Variants in CMTR1 observed in about 807,000 individuals in gnomAD.
CMTR1 encodes cap methyltransferase 1, also known as cap-specific mRNA (nucleoside-2'-O-)-methyltransferase 1.
A neutral mutation model predicts 107.0 loss-of-function variants in CMTR1; 39 were observed. The ratio of observed to expected loss-of-function variants is 0.36; its 90% CI spans 0.28 to 0.48. The LOEUF is 0.48. Among genes scored for constraint, CMTR1 ranks in the 20% least tolerant of loss-of-function variants. The probability of loss-of-function intolerance (pLI) is 0.99; values close to 1 mark genes in which losing one functional copy is unlikely to be tolerated. For missense variants in CMTR1, 672 were observed against 1,064.9 expected (o/e 0.63, Z 5.14); for synonymous variants, 366 against 379.5 (o/e 0.96, Z 0.41).
chr6:37,433,504 A>G (rs538566618), intron 1 of CMTR1, 127 bp downstream of exon 1: 5 of 152,442 alleles, frequency 3.3e-5, no homozygotes, highest in Admixed American at 3.3e-4. Context: ...CTGGCCCCTT[A>G]TGTCTTCCCT....
intron 2 of CMTR1, among the ~76,000 whole-genome samples, chr6:37,439,522 C>G (rs1459772657): frequency 6.6e-6 from 1 of 152,158 alleles, no homozygotes; most frequent in Non-Finnish European, 1.5e-5. Flanking sequence ...GGCTATTTGC[C>G]CTGAAACACC....
chr6:37,450,265 G>A lies in CMTR1; in HGVS notation c.459G>A (p.Glu153=), dbSNP rs747459784. 20 of 1,613,860 alleles carry A rather than the reference G, an allele frequency of 1.2e-5. No individual in the cohort carries two copies. Among genetic ancestry groups the A allele is most frequent in the Admixed American group, 1.7e-5 (1 of 59,988 alleles). Residue 153 remains glutamate, a synonymous_variant, in exon 5 of 24, where the codon GAG becomes GAA. Transcript: ENST00000373451. ...WRDEPEPSAC[E]QVSWFPECTT... ...TTTGTTTGCAGCCCAGTGCTTGTGAGCAGGTGTCATGGTTTCCAGAATGTA... is the reference window on the plus strand; with the variant it reads ...TTTGTTTGCAGCCCAGTGCTTGTGAACAGGTGTCATGGTTTCCAGAATGTA...
chr6:37,443,248 A>G (rs1375618821), intron 2 of CMTR1, among the ~76,000 whole-genome samples: 1 of 152,226 alleles, frequency 6.6e-6, no homozygotes, highest in African/African-American at 2.4e-5. Flanking sequence ...ATCGTTGAAA[A>G]TGGAATCAGG....
chr6:37,464,342 C>CT (rs1761460802), intron 13 of CMTR1, among the ~76,000 whole-genome samples: 1 of 151,970 alleles, frequency 6.6e-6, no homozygotes, highest in African/African-American at 2.4e-5. Flanking sequence ...TGGCGGGCGC[C>CT]TGTAGTCCCA....
At chr6:37,442,836 A>T (rs934796256) in intron 2 of CMTR1, among the ~76,000 whole-genome samples, 7 of 152,322 alleles carry the variant, frequency 4.6e-5, no homozygotes, top group African/African-American at 1.7e-4. Context: ...AAAATGTTTT[A>T]CACACTGCCG....
intron 18 of CMTR1, 70 bp downstream of exon 18, chr6:37,474,716 T>C: frequency 1.9e-6 from 3 of 1,586,274 alleles, no homozygotes; most frequent in Non-Finnish European, 2.6e-6. Flanking sequence ...ACCTGGCCTT[T>C]TGCCCTGAGT....
intron 18 of CMTR1, among the ~76,000 whole-genome samples, chr6:37,475,115 A>G (rs1043737896): frequency 6.6e-6 from 1 of 152,172 alleles, no homozygotes; most frequent in African/African-American, 2.4e-5. Context: ...CTTATCACCC[A>G]ATGCCTTGGA....
chr6:37,437,399 C>T (rs1771555334), intron 2 of CMTR1, among the ~76,000 whole-genome samples: 1 of 151,148 alleles, frequency 6.6e-6, no homozygotes, highest in South Asian at 2.1e-4. Flanking sequence ...TGGTGGCAGG[C>T]GCCTGTACTC....
chr6:37,459,809 G>A, intron 10 of CMTR1, 125 bp downstream of exon 10: 2 of 728,572 alleles, frequency 2.7e-6, no homozygotes, highest in Non-Finnish European at 4.9e-6. Flanking sequence ...TCAGATTGTA[G>A]AGAATGCATT....
At chr6:37,479,356 G>A (rs1355064277) in intron 23 of CMTR1, 101 bp downstream of exon 23, 3 of 849,812 alleles carry the variant, frequency 3.5e-6, no homozygotes, top group Non-Finnish European at 6.0e-6. Context: ...TCCTGAGACT[G>A]TTGCCCATGC....
intron 4 of CMTR1, 146 bp downstream of exon 4, chr6:37,446,595 A>T (rs1407976753): frequency 6.5e-6 from 6 of 919,408 alleles, no homozygotes. Flanking sequence ...TACTGGGGAT[A>T]TCCAGAATGG....
intron 13 of CMTR1, among the ~76,000 whole-genome samples, chr6:37,468,872 G>C (rs1761564159): frequency 6.6e-6 from 1 of 151,130 alleles, no homozygotes; most frequent in Non-Finnish European, 1.5e-5. Context: ...GAGAGAGTAA[G>C]ACTCCGTCTC....
rs531649395 is a variant in CMTR1, at chr6:37,470,307, C to T, written c.1506-714C>T. ...GACTACAGGCGCCCGCCACCACGCCCGGCTGATTTTTTGTATTTTTAGTAG... is the reference window on the plus strand; with the variant it reads ...GACTACAGGCGCCCGCCACCACGCCTGGCTGATTTTTTGTATTTTTAGTAG... On this transcript the variant is annotated intron_variant, in intron 13 of 23. Transcript: ENST00000373451. Among the ~76,000 whole-genome samples, 19 of 152,132 alleles carry T rather than the reference C, an allele frequency of 1.2e-4. No homozygotes were observed. The South Asian group carries it at 2.7e-3, about 22-fold the overall frequency.
intron 13 of CMTR1, among the ~76,000 whole-genome samples, chr6:37,465,332 T>G (rs554312716): frequency 6.6e-6 from 1 of 152,262 alleles, no homozygotes; most frequent in Non-Finnish European, 1.5e-5. Context: ...TTTATTCTCC[T>G]TTCAGCAAAG....
At chr6:37,478,950 GAGA>G (rs1331603654) in intron 22 of CMTR1, among the ~76,000 whole-genome samples, 194 bp from the exon 23 acceptor site, 3 of 152,168 alleles carry the variant, frequency 2.0e-5, no homozygotes, top group East Asian at 1.9e-4. Flanking sequence ...TGGGGTCGTT[GAGA>G]AGAAGTCATC....
intron 2 of CMTR1, among the ~76,000 whole-genome samples, chr6:37,441,383 A>G (rs1435800120): frequency 6.6e-6 from 1 of 151,494 alleles, no homozygotes; most frequent in Non-Finnish European, 1.5e-5. Flanking sequence ...GTGTTAATCT[A>G]TTTATTTATA....
At position 37,459,698 on chromosome 6, in the gene CMTR1, T is replaced by C. The variant is rs780356385; in HGVS notation, c.1095+14T>C. ...ATGGCTGATGGGGTAGGTTACCTTT[T>C]TTCCATAGACTGATGCATTAAGGAT... On this transcript the variant is annotated intron_variant, in intron 10 of 23. Transcript: ENST00000373451. The C allele has an allele frequency of 6.4e-7, 1 of 1,563,838 alleles. No individual in the cohort carries two copies. The highest frequency in any genetic ancestry group is 8.8e-7 in the Non-Finnish European group (1 of 1,134,240).
rs2113894436 is a variant in CMTR1 at position 37,475,211 on chromosome 6, C to T, written c.1945-110C>T. 5 of 843,826 alleles carry T rather than the reference C, an allele frequency of 5.9e-6. No individual in the cohort carries two copies. In the East Asian group the frequency reaches 1.3e-4, roughly 22 times the overall value. The allele number at this position is 843,826 out of a possible 1,614,324, so 52.3% of individuals were successfully genotyped here. ...AGAAAAATATCCTGCATTTAGAGCC[C>T]TACCCTTCCCCCAGCTGTAGGCAGA... On this transcript the variant is annotated intron_variant, in intron 18 of 23. Transcript: ENST00000373451.
intron 13 of CMTR1, 44 bp from the exon 14 acceptor site, chr6:37,470,977 C>CT: frequency 6.5e-7 from 1 of 1,538,672 alleles, no homozygotes; most frequent in Non-Finnish European, 8.8e-7. Context: ...AGTTACCTGT[C>CT]TTTTTTGGTA....
Sources: allele counts gnomAD v4.1 joint callset (sites outside exome capture counted in the v4.1 genomes callset), GRCh38; gene constraint gnomAD v4.1.1; transcripts MANE v1.5; gene names NCBI Gene and HGNC (gene_info 2026-07-23, HGNC 2026-07-21).